CADM2: variants seen among roughly 807,000 people sequenced by gnomAD.
CADM2 encodes the protein immunoglobulin superfamily member 4D.
In CADM2, 12 loss-of-function variants were observed where a neutral mutation model predicts 49.8. That is an observed-to-expected ratio of 0.24 (90% confidence interval 0.15 to 0.39). CADM2 has a LOEUF of 0.39. CADM2 is among the 10% of genes least tolerant of loss of function. The probability of loss-of-function intolerance (pLI) is 1.00; values close to 1 mark genes in which losing one functional copy is unlikely to be tolerated. For missense variants in CADM2, 378 were observed against 492.3 expected (o/e 0.77, Z 2.20); for synonymous variants, 214 against 175.4 (o/e 1.22, Z -1.74).
intron 2 of CADM2, among the ~76,000 whole-genome samples, chr3:85,785,225 A>G (rs1010604378): frequency 4.6e-5 from 7 of 152,070 alleles, no homozygotes; most frequent in Middle Eastern, 3.4e-3. Context: ...CAAAAATCCA[A>G]CTTTACATTT....
At chr3:85,466,143 C>T (rs1259347259) in intron 1 of CADM2, among the ~76,000 whole-genome samples, 1 of 152,088 alleles carries the variant, frequency 6.6e-6, no homozygotes, top group Admixed American at 6.5e-5. Flanking sequence ...TTGTCAATTT[C>T]ATTGTGACAG....
At chr3:85,822,104 A>AAAT (rs1477060313) in intron 3 of CADM2, among the ~76,000 whole-genome samples, 3 of 152,142 alleles carry the variant, frequency 2.0e-5, no homozygotes, top group Non-Finnish European at 1.5e-5. Flanking sequence ...GTGGCTTATT[A>AAAT]ATTTATATAA....
chr3:85,188,504 T>C (rs376078803), intron 1 of CADM2, among the ~76,000 whole-genome samples: 2 of 152,322 alleles, frequency 1.3e-5, no homozygotes, highest in East Asian at 3.9e-4. Flanking sequence ...TTTATAAATA[T>C]AGCAATTTAT....
intron 1 of CADM2, among the ~76,000 whole-genome samples, chr3:85,463,153 G>T (rs907271520): frequency 6.6e-6 from 1 of 152,152 alleles, no homozygotes; most frequent in Non-Finnish European, 1.5e-5. Context: ...CAGCAGAACT[G>T]GATATTAGAG....
chr3:85,993,012 T>G (rs996413701), intron 8 of CADM2: 3 of 152,178 alleles, frequency 2.0e-5, no homozygotes, highest in African/African-American at 7.2e-5. Flanking sequence ...ACTAAATTTA[T>G]GTAATATTCT....
chr3:86,028,284 T>A (rs1370226722), intron 8 of CADM2, among the ~76,000 whole-genome samples: 1 of 151,628 alleles, frequency 6.6e-6, no homozygotes, highest in African/African-American at 2.4e-5. Context: ...TTGCAATTCC[T>A]ATTGCAAAGG....
At chr3:85,926,009 C>T (rs1255327389) in intron 6 of CADM2, among the ~76,000 whole-genome samples, 4 of 151,774 alleles carry the variant, frequency 2.6e-5, no homozygotes, top group African/African-American at 4.8e-5. Context: ...TGGTGGAAGA[C>T]GCCTGTAGTC....
chr3:85,927,416 A>G (rs1241031729), intron 6 of CADM2, among the ~76,000 whole-genome samples: 2 of 152,190 alleles, frequency 1.3e-5, no homozygotes, highest in Admixed American at 6.5e-5. Context: ...GGACCGCAAT[A>G]TGAATGTCAC....
intron 2 of CADM2, among the ~76,000 whole-genome samples, chr3:85,736,427 T>C (rs2068140138): frequency 6.6e-6 from 1 of 152,138 alleles, no homozygotes; most frequent in African/African-American, 2.4e-5. Flanking sequence ...GAGAAAATGA[T>C]GGTCAGAAAA....
chr3:85,875,314 T>C (rs1324941437), intron 3 of CADM2, among the ~76,000 whole-genome samples: 1 of 152,146 alleles, frequency 6.6e-6, no homozygotes, highest in Non-Finnish European at 1.5e-5. Flanking sequence ...TAAGATTGTA[T>C]GGAGCTACCA....
intron 1 of CADM2, among the ~76,000 whole-genome samples, chr3:85,242,138 A>G (rs1038356665): frequency 2.6e-5 from 4 of 151,222 alleles, no homozygotes; most frequent in African/African-American, 9.7e-5. Context: ...TTCTCATGAA[A>G]TACTATGAAC....
intron 1 of CADM2, among the ~76,000 whole-genome samples, chr3:85,639,556 G>A (rs962920654): frequency 6.6e-6 from 1 of 152,008 alleles, no homozygotes; most frequent in African/African-American, 2.4e-5. Flanking sequence ...CATGGTACCC[G>A]AATGTATTCC....
chr3:85,083,475 A>G (rs1463525336), intron 1 of CADM2, among the ~76,000 whole-genome samples: 6 of 152,110 alleles, frequency 3.9e-5, no homozygotes, highest in South Asian at 2.1e-4. Context: ...TTGAAATGCT[A>G]TCTTCGTCTT....
At chr3:85,798,335 C>A (rs2071755756) in intron 2 of CADM2, among the ~76,000 whole-genome samples, 1 of 152,128 alleles carries the variant, frequency 6.6e-6, no homozygotes, top group East Asian at 1.9e-4. Flanking sequence ...GTCATGAAGT[C>A]TTTGCCCATG....
At chr3:86,064,730 G>C (rs938905189) in intron 8 of CADM2, among the ~76,000 whole-genome samples, 1 of 152,092 alleles carries the variant, frequency 6.6e-6, no homozygotes, top group African/African-American at 2.4e-5. Flanking sequence ...TTAGAATGGC[G>C]ATCATTAAAA....
chr3:85,146,814 T>G (rs2039757916), intron 1 of CADM2, among the ~76,000 whole-genome samples: 1 of 152,174 alleles, frequency 6.6e-6, no homozygotes, highest in Admixed American at 6.5e-5. Flanking sequence ...TTGTATCGTG[T>G]GACATTTCAA....
intron 1 of CADM2, among the ~76,000 whole-genome samples, chr3:85,665,174 ATCTATCACAT>A (rs1417277337): frequency 6.6e-6 from 1 of 151,980 alleles, no homozygotes; most frequent in African/African-American, 2.4e-5. Context: ...GCTTGATTGA[ATCTATCACAT>A]TGTACATGCT....
At chr3:85,035,633 T>C (rs1409809150) in intron 1 of CADM2, among the ~76,000 whole-genome samples, 3 of 152,144 alleles carry the variant, frequency 2.0e-5, no homozygotes, top group Non-Finnish European at 2.9e-5. Context: ...TTCATTCTTC[T>C]ACATGTGGGT....
intron 8 of CADM2, among the ~76,000 whole-genome samples, chr3:86,055,645 A>AG (rs1737898807): frequency 6.6e-6 from 1 of 151,694 alleles, no homozygotes; most frequent in South Asian, 2.1e-4. Flanking sequence ...ATTTTATTTT[A>AG]GGGCACTAAT....
Sources: gnomAD v4.1 joint callset for allele counts (sites outside exome capture counted in the v4.1 genomes callset) on GRCh38, gnomAD v4.1.1 for gene constraint, MANE v1.5 for transcripts, NCBI Gene and HGNC (gene_info 2026-07-23, HGNC 2026-07-21) for gene names.